RNF121: variants seen among roughly 807,000 people sequenced by gnomAD.
RNF121 encodes ring finger protein 121, also known as E3 ubiquitin ligase RNF121.
RNF121 carries 21 observed loss-of-function variants against 46.5 expected under a neutral mutation model. The ratio of observed to expected loss-of-function variants is 0.45; its 90% CI spans 0.32 to 0.65. The LOEUF is 0.65. Among genes scored for constraint, RNF121 ranks in the 30% least tolerant of loss-of-function variants. The pLI, the probability that RNF121 is intolerant of heterozygous loss-of-function variation, is 0.04. For missense variants in RNF121, 346 were observed against 416.0 expected, an observed-to-expected ratio of 0.83 and a Z score of 1.46; for synonymous variants, 139 against 144.7, an observed-to-expected ratio of 0.96 and a Z score of 0.28.
intron 1 of RNF121, among the ~76,000 whole-genome samples, chr11:71,934,703 G>A (rs144573395): frequency 2.0e-5 from 3 of 152,238 alleles, no homozygotes; most frequent in African/African-American, 7.2e-5. Flanking sequence ...CATGTAAAAT[G>A]AGTGGTGGCA....
At chr11:71,941,287 A>G (rs2134152764) in intron 1 of RNF121, among the ~76,000 whole-genome samples, 1 of 152,364 alleles carries the variant, frequency 6.6e-6, no homozygotes, top group East Asian at 1.9e-4. Context: ...GAGCAGCTAT[A>G]AAAATGTTAA....
chr11:71,967,080 C>A (rs1954293694), intron 3 of RNF121, among the ~76,000 whole-genome samples: 1 of 147,794 alleles, frequency 6.8e-6, no homozygotes, highest in African/African-American at 2.5e-5. Flanking sequence ...ACCTTGTTAG[C>A]CAGGATGGTC....
chr11:71,967,349 G>GGT (rs1954303168), intron 3 of RNF121, among the ~76,000 whole-genome samples: 3 of 100,524 alleles, frequency 3.0e-5, no homozygotes, highest in African/African-American at 4.1e-5. Context: ...GGTTTTTTTT[G>GGT]TTTTTTTTTT....
chr11:71,982,487 AGAGCTCAT>A (rs2134205507), intron 3 of RNF121, among the ~76,000 whole-genome samples: 2 of 152,314 alleles, frequency 1.3e-5, no homozygotes, highest in East Asian at 3.9e-4. Flanking sequence ...AGACTAAGAA[AGAGCTCAT>A]TGCAGTCAGC....
In RNF121 at chr11:71,995,479, G is replaced by T. The variant is rs866736311; in HGVS notation, c.791G>T (p.Cys264Phe). Residue 264 changes from cysteine (C) to phenylalanine (F), a missense_variant, in exon 8 of 9, where the codon TGC (cysteine) becomes TTC (phenylalanine). Physicochemically the swap from Cys to Phe is radical, Grantham distance 205. Transcript: ENST00000361756. ...CACGAGTTCTGCATCCGTGGCTGGT[G>T]CATCGTGGGAAAGAAGCAAACGTGT... ...VFHEFCIRGWCIVGKKQTCPY... is the reference protein window; with the variant it reads ...VFHEFCIRGWFIVGKKQTCPY... 1.3e-6 allele frequency: 2 copies of T among 1,590,490 alleles called. No homozygotes were observed. The highest frequency in any genetic ancestry group is 2.3e-5 in the East Asian group (1 of 44,230).
At chr11:71,982,335 CAAAAAAAA>C (rs10635678) in intron 3 of RNF121, among the ~76,000 whole-genome samples, 15 of 79,114 alleles carry the variant, frequency 1.9e-4, no homozygotes, top group Non-Finnish European at 2.1e-4. Context: ...GACTCCATCT[CAAAAAAAA>C]AAAAAAAAAA....
At chr11:71,969,929 G>A (rs912808285) in intron 3 of RNF121, among the ~76,000 whole-genome samples, 1 of 152,180 alleles carries the variant, frequency 6.6e-6, no homozygotes, top group Non-Finnish European at 1.5e-5. Context: ...AACCTTGTAT[G>A]GAAGAGAGAC....
chr11:71,995,615 C>A lies in RNF121; in HGVS notation c.863+64C>A, dbSNP rs571737987. The A allele has an allele frequency of 1.4e-5, 19 of 1,350,854 alleles. No homozygotes were observed. The African/African-American group carries it at 2.3e-4, about 16-fold the overall frequency. 83.7% of individuals were successfully genotyped at this position (1,350,854 alleles called of 1,614,324 possible). A position where few individuals can be genotyped will look rare whatever the true frequency, so the allele number is the denominator to read the frequency against. ...GGAAGAAAGTACTGGCCAGTGTGAC[C>A]TGCATTTGGGTCCTCCTGGGGCCCT... On this transcript the variant is annotated intron_variant, in intron 8 of 8. Transcript: ENST00000361756.
In RNF121 at chr11:71,962,398, G is replaced by T. The variant is rs138925738; in HGVS notation, c.243+1507G>T. 1.8e-4 allele frequency: 99 copies of T among 547,198 alleles called. No homozygotes were observed. The African/African-American group carries it at 1.9e-3, about 10-fold the overall frequency. The allele number at this position is 547,198 out of a possible 1,614,324, so 33.9% of individuals were successfully genotyped here. On this transcript the variant is annotated intron_variant, in intron 3 of 8. Coordinates refer to ENST00000361756, the MANE Select transcript of RNF121 (RefSeq NM_018320.5). ...AAGGAAAAACTCAATCTGGGAAACA[G>T]TTAAGAGGCTGCTCTGCTTGATATG...
intron 1 of RNF121, among the ~76,000 whole-genome samples, chr11:71,941,307 C>T (rs757803530): frequency 2.0e-5 from 3 of 152,168 alleles, no homozygotes; most frequent in Non-Finnish European, 2.9e-5. Flanking sequence ...AATAGCAGTG[C>T]TTTCACTTAT....
intron 3 of RNF121, among the ~76,000 whole-genome samples, chr11:71,963,978 T>C (rs1438578424): frequency 6.6e-6 from 1 of 152,258 alleles, no homozygotes; most frequent in East Asian, 1.9e-4. Context: ...TTTTTCAAGA[T>C]TGTTTCAGCT....
chr11:71,971,839 A>T (rs1424717729), intron 3 of RNF121, among the ~76,000 whole-genome samples: 1 of 152,226 alleles, frequency 6.6e-6, no homozygotes, highest in African/African-American at 2.4e-5. Context: ...TGGGTATGGT[A>T]CAGGCATTGT....
intron 3 of RNF121, among the ~76,000 whole-genome samples, chr11:71,976,929 C>T (rs1387812811): frequency 1.3e-5 from 2 of 152,188 alleles, no homozygotes; most frequent in Non-Finnish European, 2.9e-5. Flanking sequence ...CTTATTTCTT[C>T]TATTTTCCAT....
intron 6 of RNF121, chr11:71,990,940 G>T: frequency 1.8e-6 from 1 of 565,556 alleles, no homozygotes; most frequent in African/African-American, 1.9e-5. Flanking sequence ...CCAGCTGGAG[G>T]CCTTTATCAT....
Position 71,996,343 on chromosome 11 carries a change from C to T in RNF121, c.*28C>T, listed in dbSNP as rs765859058. ...ATGAAGAGCATCAGTGGAAAACCCA[C>T]CCCACACGCCATGGACCTCAGGGCA... On this transcript the variant is annotated 3_prime_UTR_variant, in exon 9 of 9. Transcript: ENST00000361756. 8 of 1,611,938 alleles carry T rather than the reference C, an allele frequency of 5.0e-6. No homozygotes were observed. The highest frequency in any genetic ancestry group is 3.3e-5 in the Admixed American group (2 of 59,906).
At chr11:71,954,393 G>A (rs1270754510) in intron 1 of RNF121, among the ~76,000 whole-genome samples, 4 of 152,162 alleles carry the variant, frequency 2.6e-5, no homozygotes, top group South Asian at 4.1e-4. Context: ...TAAGCCTCAA[G>A]TCTAGTCTCA....
Position 71,996,294 on chromosome 11 carries a change from C to T in RNF121, c.963C>T (p.Asn321=), listed in dbSNP as rs1351289900. The change falls in exon 9 of 9, where the codon AAC becomes AAT. Residue 321 remains asparagine (N), a synonymous_variant. Transcript: ENST00000361756. ...TCATTGGTGTAGTCCAAGGCATCAA[C>T]TACATCCTGGGCCTGGAATAGTGAT... is the stretch of plus-strand genomic sequence containing the variant. ...PVIIGVVQGI[N]YILGLE 7 of 1,614,180 alleles carry T rather than the reference C, an allele frequency of 4.3e-6. No homozygotes were observed. In the South Asian group the frequency reaches 5.5e-5, roughly 13 times the overall value.
chr11:71,952,787 G>A (rs1331386620), intron 1 of RNF121, among the ~76,000 whole-genome samples: 5 of 148,044 alleles, frequency 3.4e-5, no homozygotes, highest in Admixed American at 1.4e-4. Flanking sequence ...TAGCTGGGGC[G>A]ATAGAGCAAG....
intron 3 of RNF121, among the ~76,000 whole-genome samples, chr11:71,971,408 TTAAAAA>T (rs1179024014): frequency 6.6e-6 from 1 of 152,172 alleles, no homozygotes; most frequent in East Asian, 1.9e-4. Context: ...ATGAACTTTT[TTAAAAA>T]TAAAAATATA....
Sources: allele counts gnomAD v4.1 joint callset (sites outside exome capture counted in the v4.1 genomes callset), GRCh38; gene constraint gnomAD v4.1.1; transcripts MANE v1.5; gene names NCBI Gene and HGNC (gene_info 2026-07-23, HGNC 2026-07-21).